The following RGL1 variants were observed in gnomAD, a reference collection of about 807,000 sequenced individuals.
The protein encoded by RGL1 is ral guanine nucleotide dissociation stimulator like 1, also known as ral guanine nucleotide dissociation stimulator-like 1.
Under a neutral mutation model 95.2 loss-of-function variants are expected in RGL1, and 24 were observed. That is an observed-to-expected ratio of 0.25 (90% CI 0.18 to 0.35). The LOEUF is 0.35. RGL1 is among the 10% of genes least tolerant of loss of function. The pLI is 1.00. For synonymous variants in RGL1, 329 were observed against 344.9 expected (o/e 0.95, Z 0.51); for missense variants, 715 against 936.3 (o/e 0.76, Z 3.08).
At chr1:183,847,541 T>C in intron 2 of RGL1, 25 bp from the exon 3 acceptor site, 1 of 1,592,124 alleles carries the variant, frequency 6.3e-7, no homozygotes, top group Non-Finnish European at 8.6e-7. Flanking sequence ...TTTCTCCTTA[T>C]GGTAATTGTT....
chr1:183,637,522 A>G (rs1392847034), intron 1 of RGL1, among the ~76,000 whole-genome samples: 3 of 152,204 alleles, frequency 2.0e-5, no homozygotes, highest in Non-Finnish European at 2.9e-5. Context: ...ACATATGTCC[A>G]GTCTTCTTTA....
chr1:183,823,626 A>C (rs1662647720), intron 2 of RGL1, among the ~76,000 whole-genome samples: 1 of 152,202 alleles, frequency 6.6e-6, no homozygotes, highest in African/African-American at 2.4e-5. Flanking sequence ...ATACATATCT[A>C]GGCAACTCTA....
At chr1:183,725,684 G>A (rs919806573) in intron 1 of RGL1, among the ~76,000 whole-genome samples, 13 of 152,136 alleles carry the variant, frequency 8.5e-5, no homozygotes, top group African/African-American at 3.1e-4. Context: ...TTAAGCACTT[G>A]ACAGATCTGG....
intron 4 of RGL1, among the ~76,000 whole-genome samples, chr1:183,867,398 G>A (rs1665904814): frequency 6.6e-6 from 1 of 152,112 alleles, no homozygotes; most frequent in African/African-American, 2.4e-5. Context: ...AAGGATTTCA[G>A]GGAGGGAGTG....
At chr1:183,673,615 T>A (rs1572258062) in intron 1 of RGL1, among the ~76,000 whole-genome samples, 1 of 152,250 alleles carries the variant, frequency 6.6e-6, no homozygotes, top group East Asian at 1.9e-4. Context: ...CTGATTTTGG[T>A]TCTAAATTCC....
intron 2 of RGL1, among the ~76,000 whole-genome samples, chr1:183,831,128 T>C (rs1663230307): frequency 1.3e-5 from 2 of 152,096 alleles, no homozygotes; most frequent in African/African-American, 2.4e-5. Context: ...CTAGATAAGG[T>C]AATCTGGTGT....
At chr1:183,826,828 G>T (rs1338799013) in intron 2 of RGL1, among the ~76,000 whole-genome samples, 1 of 152,002 alleles carries the variant, frequency 6.6e-6, no homozygotes, top group African/African-American at 2.4e-5. Flanking sequence ...ATGTTTAAAG[G>T]GTCCCTCCTT....
At chr1:183,804,891 C>T (rs765768370), upstream of RGL1, among the ~76,000 whole-genome samples, 3 of 152,256 alleles carry the variant, frequency 2.0e-5, no homozygotes, top group Non-Finnish European at 4.4e-5. Flanking sequence ...CCATCCCACA[C>T]TCAGTTCTAT....
At chr1:183,904,758 TGTG>T in intron 12 of RGL1, 89 bp from the exon 13 acceptor site, 1 of 1,293,400 alleles carries the variant, frequency 7.7e-7, no homozygotes, top group Non-Finnish European at 1.1e-6. Context: ...TTTATCCTAA[TGTG>T]GTATATTTTC....
At chr1:183,648,647 G>A in intron 1 of RGL1, 1 of 1,614,180 alleles carries the variant, frequency 6.2e-7, no homozygotes, top group Middle Eastern at 1.6e-4. Flanking sequence ...AAAATTCTGT[G>A]AGGGAAACTC....
intron 1 of RGL1, among the ~76,000 whole-genome samples, chr1:183,704,570 C>T (rs1654791732): frequency 6.6e-6 from 1 of 152,048 alleles, no homozygotes; most frequent in African/African-American, 2.4e-5. Flanking sequence ...AGGTGTTGGT[C>T]TGTTAGGTTT....
At position 183,928,269 on chromosome 1, in the gene RGL1, A is replaced by G. The variant is rs1572618171; in HGVS notation, c.*1977A>G. On this transcript the variant is annotated 3_prime_UTR_variant, in exon 18 of 18. Transcript: ENST00000360851. ...CTGTGTATTTATACTGTATATGTAG[A>G]GTCTAGATTTATATACTGCAATGTA... The G allele has an allele frequency of 1.3e-5, 2 of 152,346 alleles. No individual in the cohort carries two copies. Among genetic ancestry groups the G allele is most frequent in the South Asian group, 4.2e-4 (2 of 4,802 alleles). The allele number at this position is 152,346 out of a possible 1,614,324, so 9.4% of individuals were successfully genotyped here. A position where few individuals can be genotyped will look rare whatever the true frequency, so the allele number is the denominator to read the frequency against.
chr1:183,662,818 A>G (rs1651740075), intron 1 of RGL1, among the ~76,000 whole-genome samples: 1 of 152,154 alleles, frequency 6.6e-6, no homozygotes, highest in Admixed American at 6.5e-5. Context: ...ACTATACTAC[A>G]AGGCTACAGT....
intron 2 of RGL1, among the ~76,000 whole-genome samples, chr1:183,831,650 T>C (rs1177102518): frequency 6.6e-6 from 1 of 152,228 alleles, no homozygotes; most frequent in African/African-American, 2.4e-5. Context: ...TTTATTTGAC[T>C]GAATTTGGAA....
chr1:183,836,734 A>G (rs893796667), intron 2 of RGL1, among the ~76,000 whole-genome samples: 3 of 152,140 alleles, frequency 2.0e-5, no homozygotes, highest in Admixed American at 6.5e-5. Context: ...CGTGCCAAAA[A>G]CAGTGCTGAG....
chr1:183,744,303 TG>T (rs1256756777), intron 2 of RGL1, among the ~76,000 whole-genome samples: 2 of 139,852 alleles, frequency 1.4e-5, no homozygotes, highest in African/African-American at 5.0e-5. Flanking sequence ...GGGATATACT[TG>T]CACAACAGAC....
At chr1:183,791,592 G>A (rs1167861710) in intron 2 of RGL1, among the ~76,000 whole-genome samples, 2 of 152,250 alleles carry the variant, frequency 1.3e-5, no homozygotes, top group Non-Finnish European at 2.9e-5. Context: ...CTTTGGTTGT[G>A]TTTTATTGAA....
intron 15 of RGL1, among the ~76,000 whole-genome samples, chr1:183,914,425 G>A (rs1272229962): frequency 6.6e-6 from 1 of 152,082 alleles, no homozygotes; most frequent in African/African-American, 2.4e-5. Flanking sequence ...GATGCAAGTA[G>A]CTCCTGGACT....
intron 1 of RGL1, 137 bp downstream of exon 1, chr1:183,805,461 T>G (rs976827693): frequency 9.0e-6 from 7 of 774,510 alleles, no homozygotes; most frequent in Non-Finnish European, 1.6e-5. Flanking sequence ...GCTCTCTCAC[T>G]CCGCTTTGTA....
Sources: allele counts gnomAD v4.1 joint callset (sites outside exome capture counted in the v4.1 genomes callset), GRCh38; gene constraint gnomAD v4.1.1; transcripts MANE v1.5; gene names NCBI Gene and HGNC (gene_info 2026-07-23, HGNC 2026-07-21).